The following CCDC187 variants were observed in gnomAD, a reference collection of about 807,000 sequenced individuals.
The protein encoded by CCDC187 is coiled-coil domain containing 187, also known as coiled-coil domain-containing protein 187.
CCDC187 carries 32 observed loss-of-function variants against 38.0 expected under a neutral mutation model. The observed-to-expected ratio is 0.84, with a 90% CI of 0.64 to 1.13. CCDC187 has a LOEUF of 1.13. Ranked by LOEUF, CCDC187 falls within the 50% of genes most tolerant of loss-of-function variation. CCDC187 has a pLI of 0.00. For synonymous variants in CCDC187, 333 were observed against 347.9 expected, an observed-to-expected ratio of 0.96 and a Z score of 0.48; for missense variants, 707 against 786.8, an observed-to-expected ratio of 0.90 and a Z score of 1.21.
At position 136,258,637 on chromosome 9, in the gene CCDC187, C is replaced by T; in HGVS notation, c.4366+295G>A. The T allele has an allele frequency of 1.1e-6, 1 of 940,554 alleles. No homozygotes were observed. Among genetic ancestry groups the T allele is most frequent in the Non-Finnish European group, 1.3e-6 (1 of 789,042 alleles). 58.3% of individuals were successfully genotyped at this position (940,554 alleles called of 1,614,324 possible). On this transcript the variant is annotated intron_variant, in intron 22 of 25. Coordinates refer to ENST00000638797, the MANE Select transcript of CCDC187 (RefSeq NM_001378188.1). The surrounding 1 kb of genome is among the most constrained non-coding windows in gnomAD (Gnocchi z 4.3). The stretch of plus-strand genomic sequence containing the variant: ...GAAGACGCTCAGGCAGTGCTGGCTT[C>T]CAAACACTTAAAAATCTGCCCCAGA...
chr9:136,292,317 C>T (rs1019515910), intron 4 of CCDC187, 22 bp from the exon 5 acceptor site: 2 of 398,560 alleles, frequency 5.0e-6, no homozygotes, highest in African/African-American at 4.1e-5. Flanking sequence ...AAAACATACA[C>T]ACAGCCGGGC....
Position 136,286,222 on chromosome 9 carries a change from C to G in CCDC187, c.2696G>C (p.Gly899Ala), listed in dbSNP as rs1375095462. The stretch of plus-strand genomic sequence containing the variant: ...CTGGGGCTGCATGCTCACCCACTCC[C>G]CAGGTGCCCCTCTGCCCCAGTTGGG... ...LGPNWGRGAP[G>A]EWVSMQPQPL... The change falls in exon 8 of 26, where the codon GGG becomes GCG. Residue 899 changes from glycine (G) to alanine (A), a missense_variant. Coordinates refer to ENST00000638797, the MANE Select transcript of CCDC187 (RefSeq NM_001378188.1). 2 of 398,422 alleles carry G rather than the reference C, an allele frequency of 5.0e-6. No individual in the cohort carries two copies. Among genetic ancestry groups the G allele is most frequent in the Non-Finnish European group, 8.9e-6 (2 of 225,986 alleles). 24.7% of individuals were successfully genotyped at this position (398,422 alleles called of 1,614,324 possible).
At position 136,257,489 on chromosome 9, in the gene CCDC187, G is replaced by C. The variant is rs1306473182; in HGVS notation, c.4367-648C>G. The stretch of plus-strand genomic sequence containing the variant: ...CCCTCGGTGCCGTCCGACAGACACT[G>C]GTGTGAGGCAGGGGTGGTGCAGAGG... On this transcript the variant is annotated intron_variant, in intron 22 of 25. Transcript: ENST00000638797. This position sits in a 1 kb window ranked among gnomAD's most constrained non-coding sequence, Gnocchi z 4.5. 6.6e-6 allele frequency among the ~76,000 whole-genome samples: 1 copy of C among 152,176 alleles called. No individual in the cohort carries two copies. The highest frequency in any genetic ancestry group is 1.5e-5 in the Non-Finnish European group (1 of 68,038).
chr9:136,253,609 C>A lies in CCDC187; in HGVS notation c.6219G>T (p.Ser2073=). 2 of 985,654 alleles carry A rather than the reference C, an allele frequency of 2.0e-6. No homozygotes were observed. The highest frequency in any genetic ancestry group is 2.4e-6 in the Non-Finnish European group (2 of 830,076). 61.1% of individuals were successfully genotyped at this position (985,654 alleles called of 1,614,324 possible). A position where few individuals can be genotyped will look rare whatever the true frequency, so the allele number is the denominator to read the frequency against. ...PEGLFPGPQG[S]AGTQ ...AGAGCCCCAACTACTGGGTTCCCGC[C>A]GACCCCTGGGGCCCAGGAAACAGTC... The change falls in exon 26 of 26, where the codon TCG becomes TCT. Residue 2073 remains serine (S), a synonymous_variant. Transcript: ENST00000638797.
Position 136,300,252 on chromosome 9 carries a change from T to C in CCDC187, c.692A>G (p.Glu231Gly), listed in dbSNP as rs1260401349. ...EAKASHGQGR[E>G]LSRVSQHQVP... ...CTGGTGCTGGGAGACCCTGGAGAGC[T>C]CGCGCCCCTGGCCGTGGGATGCCTT... The change falls in exon 3 of 26, where the codon GAG becomes GGG. Residue 231 changes from glutamate to glycine, a missense_variant. Physicochemically the swap from Glu to Gly is moderately conservative, Grantham distance 98 (BLOSUM62 -2). Transcript: ENST00000638797. The C allele has an allele frequency of 2.5e-6, 1 of 398,496 alleles. No individual in the cohort carries two copies. Among genetic ancestry groups the C allele is most frequent in the South Asian group, 1.3e-4 (1 of 7,858 alleles). 24.7% of individuals were successfully genotyped at this position (398,496 alleles called of 1,614,324 possible).
At position 136,281,683 on chromosome 9, in the gene CCDC187, G is replaced by A. The variant is rs968241695; in HGVS notation, c.2928-20C>T. ...TATGAGCTGGAAGACACAGGCACAC[G>A]TGTGGCAGGGCCAGGCCCGTGGAGG... is the stretch of plus-strand genomic sequence containing the variant. On this transcript the variant is annotated intron_variant, in intron 9 of 25. Transcript: ENST00000638797. The A allele has an allele frequency of 6.5e-5, 26 of 398,568 alleles. No individual in the cohort carries two copies. Among genetic ancestry groups the A allele is most frequent in the East Asian group, 2.8e-4 (8 of 28,082 alleles). 24.7% of individuals were successfully genotyped at this position (398,568 alleles called of 1,614,324 possible).
rs1830583806 is a variant in CCDC187 at position 136,254,184 on chromosome 9, C to T, written c.5644G>A (p.Gly1882Ser). Residue 1882 changes from glycine to serine, a missense_variant, in exon 26 of 26, where the codon GGT becomes AGT. By Grantham distance (56) the Gly-to-Ser change is moderately conservative. Coordinates refer to ENST00000638797, the MANE Select transcript of CCDC187 (RefSeq NM_001378188.1). ...AAGACCAGCAGTGAGTCCGAGTCAC[C>T]GGCAGAAGAGATTTGCAGCGGGAAC... Reference protein sequence around the residue: ...VVFPLQISSAGDSDSLLVFPS... With the variant: ...VVFPLQISSASDSDSLLVFPS... 7.1e-6 allele frequency: 7 copies of T among 985,470 alleles called. No homozygotes were observed. Among genetic ancestry groups the T allele is most frequent in the South Asian group, 4.7e-5 (1 of 21,278 alleles). The allele number at this position is 985,470 out of a possible 1,614,324, so 61.0% of individuals were successfully genotyped here. A position where few individuals can be genotyped will look rare whatever the true frequency, so the allele number is the denominator to read the frequency against.
chr9:136,269,219 G>C (rs1830799834), intron 14 of CCDC187, among the ~76,000 whole-genome samples: 1 of 152,250 alleles, frequency 6.6e-6, no homozygotes, highest in Non-Finnish European at 1.5e-5. Context: ...AGTGTACACA[G>C]AACGTTCTTG....
chr9:136,278,454 G>C (rs1485924864), intron 10 of CCDC187, among the ~76,000 whole-genome samples: 1 of 152,230 alleles, frequency 6.6e-6, no homozygotes, highest in African/African-American at 2.4e-5. Flanking sequence ...TGGCTGGACA[G>C]AGACTGCAGG....
At chr9:136,275,592 A>G (rs2131215555) in intron 12 of CCDC187, among the ~76,000 whole-genome samples, 1 of 152,252 alleles carries the variant, frequency 6.6e-6, no homozygotes, top group East Asian at 1.9e-4. Flanking sequence ...CACAGAAGAA[A>G]GGTCCACCTC....
intron 10 of CCDC187, among the ~76,000 whole-genome samples, chr9:136,278,099 CTCTTACACT>C (rs1830968159): frequency 6.6e-6 from 1 of 152,250 alleles, no homozygotes; most frequent in Non-Finnish European, 1.5e-5. Flanking sequence ...AGTGAAGACA[CTCTTACACT>C]TCTTTGTTTG....
chr9:136,283,855 C>T (rs1386159714), intron 9 of CCDC187, among the ~76,000 whole-genome samples: 2 of 152,196 alleles, frequency 1.3e-5, no homozygotes, highest in Admixed American at 6.5e-5. Context: ...GGGCAGAAGT[C>T]GTCCTGGGCA....
intron 4 of CCDC187, among the ~76,000 whole-genome samples, chr9:136,293,524 T>A (rs1048716763): frequency 5.5e-4 from 28 of 51,220 alleles, no homozygotes; most frequent in Non-Finnish European, 2.7e-4. Context: ...CATGCTCACA[T>A]ACACGCTTAC....
At chr9:136,283,986 C>T (rs1831109939) in intron 9 of CCDC187, among the ~76,000 whole-genome samples, 1 of 152,118 alleles carries the variant, frequency 6.6e-6, no homozygotes, top group Non-Finnish European at 1.5e-5. Context: ...TGGGGCACAA[C>T]CCAAAGGCCC....
At chr9:136,255,208 C>G (rs1401904894) in intron 25 of CCDC187, 74 bp from the exon 26 acceptor site, 1 of 770,862 alleles carries the variant, frequency 1.3e-6, no homozygotes, top group Non-Finnish European at 1.6e-6. Context: ...ACCCCCAAAG[C>G]CAGGAGGTCA....
At position 136,258,814 on chromosome 9, in the gene CCDC187, T is replaced by C; in HGVS notation, c.4366+118A>G. The C allele has an allele frequency of 1.0e-6, 1 of 985,492 alleles. No homozygotes were observed. Among genetic ancestry groups the C allele is most frequent in the Non-Finnish European group, 1.2e-6 (1 of 829,980 alleles). 61.0% of individuals were successfully genotyped at this position (985,492 alleles called of 1,614,324 possible). On this transcript the variant is annotated intron_variant, in intron 22 of 25. Coordinates refer to ENST00000638797, the MANE Select transcript of CCDC187 (RefSeq NM_001378188.1). This position sits in a 1 kb window ranked among gnomAD's most constrained non-coding sequence, Gnocchi z 4.3. ...CAGGGTGGGGGGCCACCAGGGCCCA[T>C]CTTCTTTGCTTTCCGTCCTTGTCCA...
Position 136,262,772 on chromosome 9 carries a change from C to T in CCDC187, c.3913-310G>A, listed in dbSNP as rs181393860. Among the ~76,000 whole-genome samples, 351 of 152,280 alleles carry T rather than the reference C, an allele frequency of 2.3e-3. 2 individuals are homozygous for T. Among genetic ancestry groups the T allele is most frequent in the Admixed American group, 3.8e-3 (58 of 15,302 alleles). On this transcript the variant is annotated intron_variant, in intron 18 of 25. Coordinates refer to ENST00000638797, the MANE Select transcript of CCDC187 (RefSeq NM_001378188.1). ...CCTGCAGCCCAGCCTGGAGCAGGTGCTTCAGAGAGCTCAGATCATTCAATC... is the reference window on the plus strand; with the variant it reads ...CCTGCAGCCCAGCCTGGAGCAGGTGTTTCAGAGAGCTCAGATCATTCAATC...
At chr9:136,282,769 C>T (rs1321789771) in intron 9 of CCDC187, among the ~76,000 whole-genome samples, 5 of 152,346 alleles carry the variant, frequency 3.3e-5, no homozygotes, top group East Asian at 3.9e-4. Context: ...TCCCAACCCC[C>T]GCCCGCATTC....
intron 7 of CCDC187, among the ~76,000 whole-genome samples, chr9:136,288,465 G>A (rs1267681373): frequency 1.3e-5 from 2 of 152,168 alleles, no homozygotes; most frequent in Non-Finnish European, 2.9e-5. Context: ...GTGGGTGGGA[G>A]CCCCTCCCTG....
Sources: gnomAD v4.1 joint callset for allele counts (sites outside exome capture counted in the v4.1 genomes callset) on GRCh38, gnomAD v4.1.1 for gene constraint, Gnocchi (gnomAD v3.1) non-coding constraint, MANE v1.5 for transcripts, NCBI Gene and HGNC (gene_info 2026-07-23, HGNC 2026-07-21) for gene names.